The following ANTXR1 variants were observed in gnomAD, a reference collection of about 807,000 sequenced individuals.
ANTXR1 encodes anthrax toxin receptor 1.
Under a neutral mutation model 78.1 loss-of-function variants are expected in ANTXR1, and 19 were observed. That is an observed-to-expected ratio of 0.24 (90% CI 0.17 to 0.36). ANTXR1 has a LOEUF of 0.36. Among genes scored for constraint, ANTXR1 ranks in the 10% least tolerant of loss-of-function variants. ANTXR1 has a pLI of 1.00. For synonymous variants in ANTXR1, 273 were observed against 260.5 expected (o/e 1.05, Z -0.46); for missense variants, 518 against 718.6 (o/e 0.72, Z 3.19).
chr2:69,027,001 A>G (rs1356570631), intron 1 of ANTXR1, among the ~76,000 whole-genome samples: 2 of 152,362 alleles, frequency 1.3e-5, no homozygotes, highest in African/African-American at 4.8e-5. Flanking sequence ...GCCAGGGTCT[A>G]CTTTCAACTC....
intron 3 of ANTXR1, among the ~76,000 whole-genome samples, chr2:69,057,781 G>T (rs992425946): frequency 1.7e-4 from 26 of 152,310 alleles, no homozygotes; most frequent in African/African-American, 6.0e-4. Context: ...GCTTAGTGAG[G>T]AATGCAGGTT....
intron 12 of ANTXR1, chr2:69,145,341 G>A: frequency 6.3e-7 from 1 of 1,598,274 alleles, no homozygotes; most frequent in Non-Finnish European, 8.5e-7. Flanking sequence ...CCACAAAATT[G>A]CATCAGGCCC....
chr2:69,031,660 TA>T (rs1411834537), intron 1 of ANTXR1, among the ~76,000 whole-genome samples: 2 of 152,192 alleles, frequency 1.3e-5, no homozygotes, highest in African/African-American at 4.8e-5. Context: ...ACTGCCAGCC[TA>T]AGGCATGGAT....
intron 1 of ANTXR1, among the ~76,000 whole-genome samples, chr2:69,028,206 A>C (rs1042610702): frequency 6.6e-6 from 1 of 152,246 alleles, no homozygotes; most frequent in African/African-American, 2.4e-5. Flanking sequence ...CTTCTGACTT[A>C]AGAAAAATTT....
intron 17 of ANTXR1, among the ~76,000 whole-genome samples, chr2:69,195,254 G>C (rs1468556192): frequency 2.6e-5 from 4 of 152,086 alleles, no homozygotes; most frequent in South Asian, 4.1e-4. Context: ...CTGTTCTGCT[G>C]TCTGGGGATG....
chr2:69,161,676 A>G (rs888776183), intron 13 of ANTXR1, among the ~76,000 whole-genome samples: 1 of 152,204 alleles, frequency 6.6e-6, no homozygotes, highest in Non-Finnish European at 1.5e-5. Context: ...TCTTGACTTC[A>G]ATTAAAAGAA....
intron 2 of ANTXR1, among the ~76,000 whole-genome samples, chr2:69,042,265 A>C (rs1669636205): frequency 6.6e-6 from 1 of 152,110 alleles, no homozygotes; most frequent in Non-Finnish European, 1.5e-5. Flanking sequence ...GTTTTCCTCA[A>C]GCCTTCAACC....
At chr2:69,146,787 C>T (rs903770876) in intron 12 of ANTXR1, among the ~76,000 whole-genome samples, 4 of 152,222 alleles carry the variant, frequency 2.6e-5, no homozygotes, top group Non-Finnish European at 4.4e-5. Context: ...GGCACAACTC[C>T]GCGAGGGGGA....
At chr2:69,176,634 T>C (rs1050336671) in intron 14 of ANTXR1, among the ~76,000 whole-genome samples, 1 of 152,242 alleles carries the variant, frequency 6.6e-6, no homozygotes, top group East Asian at 1.9e-4. Flanking sequence ...TCTCAAAATA[T>C]AACACTGTGC....
At chr2:69,235,003 AAG>A (rs1360449139) in intron 17 of ANTXR1, among the ~76,000 whole-genome samples, 1 of 149,624 alleles carries the variant, frequency 6.7e-6, no homozygotes, top group Non-Finnish European at 1.5e-5. Flanking sequence ...AAAAAAAAAA[AAG>A]AATGATGAAA....
At chr2:69,019,059 C>T (rs1025901028) in intron 1 of ANTXR1, among the ~76,000 whole-genome samples, 5 of 152,118 alleles carry the variant, frequency 3.3e-5, no homozygotes, top group Non-Finnish European at 7.3e-5. Flanking sequence ...ATGATAAATT[C>T]GTAATTTGTT....
intron 17 of ANTXR1, among the ~76,000 whole-genome samples, chr2:69,234,476 C>T (rs1675702407): frequency 1.3e-5 from 2 of 152,090 alleles, no homozygotes; most frequent in African/African-American, 4.8e-5. Context: ...ATGTCAGGCA[C>T]CATTCAAAGT....
At chr2:69,116,865 C>A (rs1215574312) in intron 10 of ANTXR1, among the ~76,000 whole-genome samples, 4 of 152,178 alleles carry the variant, frequency 2.6e-5, no homozygotes, top group Non-Finnish European at 5.9e-5. Context: ...AAAGGATTTT[C>A]TCTGATTGGT....
intron 12 of ANTXR1, chr2:69,146,477 C>G: frequency 1.3e-6 from 1 of 765,824 alleles, no homozygotes; most frequent in Non-Finnish European, 1.6e-6. Flanking sequence ...TGTTTCTCCC[C>G]CTCTGGAATC....
chr2:69,046,470 GA>G (rs1225281587), intron 3 of ANTXR1, among the ~76,000 whole-genome samples: 4 of 152,204 alleles, frequency 2.6e-5, no homozygotes, highest in Non-Finnish European at 5.9e-5. Context: ...GTTCTGAAGA[GA>G]AAACAGAGGG....
At chr2:69,129,379 G>C (rs191307468) in intron 12 of ANTXR1, among the ~76,000 whole-genome samples, 47 of 152,260 alleles carry the variant, frequency 3.1e-4, no homozygotes, top group African/African-American at 1.0e-3. Context: ...AGTATGTCTT[G>C]AACTCCTACT....
chr2:69,078,728 A>T (rs1670813622), intron 8 of ANTXR1, among the ~76,000 whole-genome samples: 1 of 152,196 alleles, frequency 6.6e-6, no homozygotes, highest in South Asian at 2.1e-4. Context: ...AAAATGCCTA[A>T]TACTTTTCCA....
chr2:69,151,613 TC>T (rs1270845784), intron 12 of ANTXR1, among the ~76,000 whole-genome samples: 1 of 152,156 alleles, frequency 6.6e-6, no homozygotes, highest in Non-Finnish European at 1.5e-5. Context: ...GCCCCTCGCC[TC>T]CCAGGTTCAG....
At chr2:69,235,591 G>T (rs1675737942) in intron 17 of ANTXR1, among the ~76,000 whole-genome samples, 1 of 146,666 alleles carries the variant, frequency 6.8e-6, no homozygotes, top group Admixed American at 6.9e-5. Flanking sequence ...GGCAGAGGTT[G>T]CAGTGAGCTG....
Sources: allele counts gnomAD v4.1 joint callset (sites outside exome capture counted in the v4.1 genomes callset), GRCh38; gene constraint gnomAD v4.1.1; transcripts MANE v1.5; gene names NCBI Gene and HGNC (gene_info 2026-07-23, HGNC 2026-07-21).